CEP290: variants seen among roughly 807,000 people sequenced by gnomAD.
The protein encoded by CEP290 is centrosomal protein of 290 kDa.
A neutral mutation model predicts 344.9 loss-of-function variants in CEP290; 317 were observed. That is an observed-to-expected ratio of 0.92 (90% CI 0.84 to 1.01). The LOEUF is 1.01. CEP290 is among the 50% of genes least tolerant of loss of function. The probability of loss-of-function intolerance (pLI) is 0.00; values close to 1 mark genes in which losing one functional copy is unlikely to be tolerated. For missense variants in CEP290, 2,754 were observed against 2,761.4 expected (o/e 1.00, Z 0.06); for synonymous variants, 932 against 895.8 (o/e 1.04, Z -0.72).
At chr12:88,075,740 G>A (rs914848050) in intron 41 of CEP290, among the ~76,000 whole-genome samples, 1 of 152,078 alleles carries the variant, frequency 6.6e-6, no homozygotes, top group Non-Finnish European at 1.5e-5. Context: ...AATTAGAAAT[G>A]CCCAAGCAAT....
Position 88,086,117 on chromosome 12 carries a change from A to G in CEP290, c.4359T>C (p.Leu1453=). 2 of 1,613,180 alleles carry G rather than the reference A, an allele frequency of 1.2e-6. No homozygotes were observed. Among genetic ancestry groups the G allele is most frequent in the Non-Finnish European group, 1.7e-6 (2 of 1,179,526 alleles). The stretch of plus-strand genomic sequence containing the variant: ...CCTTAATTTTCCTTAGAGCGATCTC[A>G]AGTTGATTTGGAAGGGGCAAACTAG... ...PDPSLPLPNQ[L]EIALRKIKEN... is the part of the protein sequence containing the mutation. Residue 1453 remains leucine, a synonymous_variant, in exon 34 of 54, where the codon CTT becomes CTC. Coordinates refer to ENST00000552810, the MANE Select transcript of CEP290 (RefSeq NM_025114.4).
rs1409082857 is a variant in CEP290, at chr12:88,083,925, C to T, written c.4734G>A (p.Glu1578=). ...TGTGATGAAGAATATGAAGGTCTTC[C>T]TCATGTTTCTTCACAATTTCTCTTT... The part of the protein sequence containing the change: ...EEQREIVKKH[E]EDLHILHHRL... The change falls in exon 36 of 54, where the codon GAG becomes GAA. Residue 1578 remains glutamate, a synonymous_variant. Coordinates refer to ENST00000552810, the MANE Select transcript of CEP290 (RefSeq NM_025114.4). 1.9e-6 allele frequency: 3 copies of T among 1,594,574 alleles called. No homozygotes were observed. The highest frequency in any genetic ancestry group is 1.1e-5 in the South Asian group (1 of 87,426).
At chr12:88,083,394 T>C (rs964846485) in intron 36 of CEP290, among the ~76,000 whole-genome samples, 164 bp from the exon 37 acceptor site, 4 of 152,242 alleles carry the variant, frequency 2.6e-5, no homozygotes, top group Non-Finnish European at 5.9e-5. Context: ...ATGCAGACTT[T>C]ATTATTTGTA....
intron 11 of CEP290, among the ~76,000 whole-genome samples, chr12:88,127,146 A>C (rs10777092): frequency 0.88 from 133,557 of 151,560 alleles, 59,742 homozygotes; most frequent in East Asian, 0.99. Flanking sequence ...AGCTCTGTTG[A>C]ATCCACATGA....
chr12:88,080,177 C>T lies in CEP290; in HGVS notation c.5226+5G>A. 1 of 1,573,454 alleles carries T rather than the reference C, an allele frequency of 6.4e-7. No homozygotes were observed. Among genetic ancestry groups the T allele is most frequent in the South Asian group, 1.2e-5 (1 of 85,804 alleles). ...AAATGTTGATAATTTTCTGTTGTTA[C>T]TTACTTTCTGTTGTTTCTCCTTCAA... is the stretch of plus-strand genomic sequence containing the variant. On this transcript the variant is annotated splice_donor_5th_base_variant and intron_variant, in intron 38 of 53. Transcript: ENST00000552810.
chr12:88,109,262 C>A (rs1390085300), intron 22 of CEP290, 81 bp from the exon 23 acceptor site: 2 of 570,480 alleles, frequency 3.5e-6, no homozygotes, highest in Non-Finnish European at 6.1e-6. Flanking sequence ...AATTCATATT[C>A]TGACAACATT....
chr12:88,098,401 G>C (rs1313610332), intron 26 of CEP290, among the ~76,000 whole-genome samples: 1 of 151,878 alleles, frequency 6.6e-6, no homozygotes, highest in Non-Finnish European at 1.5e-5. Flanking sequence ...CTTGAGTCCA[G>C]GAGTTTGAGA....
intron 18 of CEP290, among the ~76,000 whole-genome samples, chr12:88,116,650 G>T (rs780129262): frequency 6.6e-6 from 1 of 152,134 alleles, no homozygotes; most frequent in Non-Finnish European, 1.5e-5. Context: ...TCAAGAATGA[G>T]ATAAAGGGGG....
intron 18 of CEP290, chr12:88,115,818 A>G: frequency 1.0e-6 from 1 of 984,628 alleles, no homozygotes; most frequent in Non-Finnish European, 1.2e-6. Context: ...AAGATTTTCA[A>G]GAGAATTTAT....
rs770358437 is a variant in CEP290, at chr12:88,063,982, T to C, written c.6269A>G (p.Lys2090Arg). 1 of 1,595,152 alleles carries C rather than the reference T, an allele frequency of 6.3e-7. No homozygotes were observed. The highest frequency in any genetic ancestry group is 1.8e-5 in the Admixed American group (1 of 57,102). The change falls in exon 45 of 54, where the codon AAG (lysine) becomes AGG (arginine). Residue 2090 changes from lysine to arginine, a missense_variant and splice_region_variant. Lys to Arg is a conservative substitution (Grantham distance 26, BLOSUM62 2). Transcript: ENST00000552810. ...CCTAATAAAAAACATTAAATTCACC[T>C]TTAATCTTGGCAAATCTTTATTTGC... ...EQANKDLPRL[K>R]NQVRDLKEMC...
chr12:88,127,551 A>G (rs2039808645), intron 11 of CEP290, among the ~76,000 whole-genome samples: 6 of 152,186 alleles, frequency 3.9e-5, no homozygotes, highest in Admixed American at 2.6e-4. Context: ...AAACAAGTTT[A>G]TACTCAGAAG....
At position 88,123,362 on chromosome 12, in the gene CEP290, T is replaced by A. The variant is rs145420876; in HGVS notation, c.1189+1884A>T. Among the ~76,000 whole-genome samples, 43 of 152,218 alleles carry A rather than the reference T, an allele frequency of 2.8e-4. 1 individual carries two copies. The highest frequency in any genetic ancestry group is 9.9e-4 in the African/African-American group (41 of 41,556). On this transcript the variant is annotated intron_variant, in intron 13 of 53. Coordinates refer to ENST00000552810, the MANE Select transcript of CEP290 (RefSeq NM_025114.4). ...AAACAGTCCTGGAAAAGGGTTCCTA[T>A]ATTTCTTTATTACATTTCCTCTCTA...
intron 44 of CEP290, among the ~76,000 whole-genome samples, 199 bp downstream of exon 44, chr12:88,068,323 A>T (rs2035093987): frequency 1.3e-5 from 2 of 152,080 alleles, no homozygotes; most frequent in South Asian, 4.1e-4. Flanking sequence ...TAAGAATCTT[A>T]AGTTTACTGT....
intron 13 of CEP290, among the ~76,000 whole-genome samples, chr12:88,124,451 C>CT (rs1247171400): frequency 6.6e-6 from 1 of 152,094 alleles, no homozygotes; most frequent in Non-Finnish European, 1.5e-5. Context: ...TTTGAAATTA[C>CT]AACCGTACCT....
At chr12:88,121,584 A>G (rs2039402564) in intron 13 of CEP290, among the ~76,000 whole-genome samples, 2 of 151,390 alleles carry the variant, frequency 1.3e-5, no homozygotes, top group Admixed American at 6.6e-5. Context: ...CAGTAATGGA[A>G]TATAAACGCA....
At chr12:88,065,288 C>T (rs2034825506) in intron 44 of CEP290, among the ~76,000 whole-genome samples, 2 of 151,928 alleles carry the variant, frequency 1.3e-5, no homozygotes, top group Non-Finnish European at 2.9e-5. Flanking sequence ...ACCTATTATA[C>T]ACAACTTTAT....
At chr12:88,106,251 C>T (rs546690768) in intron 25 of CEP290, among the ~76,000 whole-genome samples, 108 of 152,232 alleles carry the variant, frequency 7.1e-4, no homozygotes, top group Non-Finnish European at 1.3e-3. Flanking sequence ...AAATGACACA[C>T]ACACAAAAGT....
At position 88,071,915 on chromosome 12, in the gene CEP290, T is replaced by G; in HGVS notation, c.5721A>C (p.Glu1907Asp). ...LKPMKEKNAK[E>D]ELIRWEEGKK... is the part of the protein sequence containing the mutation. ...TACCTTCTTCCCACCTAATTAATTCTTCTTTAGCATTCTGTAACAATAACG... is the reference window on the plus strand; with the variant it reads ...TACCTTCTTCCCACCTAATTAATTCGTCTTTAGCATTCTGTAACAATAACG... Residue 1907 changes from glutamate to aspartate, a missense_variant, in exon 42 of 54, where the codon GAA becomes GAC. Physicochemically the swap from Glu to Asp is conservative, Grantham distance 45 (BLOSUM62 2). Coordinates refer to ENST00000552810, the MANE Select transcript of CEP290 (RefSeq NM_025114.4). 1 of 1,587,362 alleles carries G rather than the reference T, an allele frequency of 6.3e-7. No homozygotes were observed. Among genetic ancestry groups the G allele is most frequent in the Non-Finnish European group, 8.5e-7 (1 of 1,170,502 alleles).
chr12:88,065,354 T>C (rs1280720571), intron 44 of CEP290, among the ~76,000 whole-genome samples: 2 of 152,166 alleles, frequency 1.3e-5, no homozygotes, highest in Non-Finnish European at 2.9e-5. Flanking sequence ...TTTGAGGAGA[T>C]GTGTGTGCAC....
Sources: allele counts gnomAD v4.1 joint callset (sites outside exome capture counted in the v4.1 genomes callset), GRCh38; gene constraint gnomAD v4.1.1; transcripts MANE v1.5; gene names NCBI Gene and HGNC (gene_info 2026-07-23, HGNC 2026-07-21).